The following AGPS variants were observed in gnomAD, a reference collection of about 807,000 sequenced individuals.
AGPS encodes the protein alkyldihydroxyacetonephosphate synthase, peroxisomal.
In AGPS, 26 loss-of-function variants were observed where a neutral mutation model predicts 90.7. The ratio of observed to expected loss-of-function variants is 0.29; its 90% CI spans 0.21 to 0.40. AGPS has a LOEUF of 0.40. Ranked by LOEUF, AGPS falls within the 10% of genes least tolerant of loss-of-function variation. The probability of loss-of-function intolerance (pLI) is 1.00; values close to 1 mark genes in which losing one functional copy is unlikely to be tolerated. For missense variants in AGPS, 540 were observed against 816.1 expected (o/e 0.66, Z 4.12); for synonymous variants, 294 against 285.3 (o/e 1.03, Z -0.31).
At position 177,541,058 on chromosome 2, in the gene AGPS, A is replaced by G. The variant is rs1325011110; in HGVS notation, c.*2863A>G. ...ATATTATTTCTTCTAAGGAAGTAGG[A>G]GTTTTCTTCCTAAAAGTGCTTACAT... On this transcript the variant is annotated 3_prime_UTR_variant, in exon 20 of 20. Transcript: ENST00000264167. The G allele has an allele frequency of 6.6e-6, 1 of 152,142 alleles. No individual in the cohort carries two copies. Among genetic ancestry groups the G allele is most frequent in the Non-Finnish European group, 1.5e-5 (1 of 68,010 alleles). 9.4% of individuals were successfully genotyped at this position (152,142 alleles called of 1,614,324 possible).
chr2:177,539,576 T>A lies in AGPS; in HGVS notation c.*1381T>A, dbSNP rs965215583. On this transcript the variant is annotated 3_prime_UTR_variant, in exon 20 of 20. Coordinates refer to ENST00000264167, the MANE Select transcript of AGPS (RefSeq NM_003659.4). ...AAATGCAGACGATCCTTTAAAAGGA[T>A]GCATTGTCTGTGTATGTAGCAACAG... The A allele has an allele frequency of 1.6e-4, 24 of 152,062 alleles. No individual in the cohort carries two copies. The highest frequency in any genetic ancestry group is 1.2e-3 in the Admixed American group (19 of 15,248). 9.4% of individuals were successfully genotyped at this position (152,062 alleles called of 1,614,324 possible). A position where few individuals can be genotyped will look rare whatever the true frequency, so the allele number is the denominator to read the frequency against.
At chr2:177,465,526 G>T (rs533661883) in intron 9 of AGPS, among the ~76,000 whole-genome samples, 1 of 152,164 alleles carries the variant, frequency 6.6e-6, no homozygotes, top group Non-Finnish European at 1.5e-5. Flanking sequence ...GCTTGCCAAC[G>T]GCGAGCCAGG....
rs1688392075 is a variant in AGPS, at chr2:177,495,725, T to G, written c.1286-1964T>G. Among the ~76,000 whole-genome samples, 4 of 145,956 alleles carry G rather than the reference T, an allele frequency of 2.7e-5. No homozygotes were observed. The South Asian group carries it at 8.8e-4, about 32-fold the overall frequency. ...GAGTTTGAGACTAGCCTGGCCAACA[T>G]GGTGAAACCCTGTCTCTACTAAAAA... On this transcript the variant is annotated intron_variant, in intron 12 of 19. Transcript: ENST00000264167.
At chr2:177,426,163 G>C (rs1051725027) in intron 2 of AGPS, among the ~76,000 whole-genome samples, 6 of 152,152 alleles carry the variant, frequency 3.9e-5, no homozygotes, top group Non-Finnish European at 8.8e-5. Flanking sequence ...AATTGTGAAT[G>C]GGAGTTCATT....
chr2:177,481,384 T>TG (rs1687938611), intron 10 of AGPS, among the ~76,000 whole-genome samples: 1 of 151,916 alleles, frequency 6.6e-6, no homozygotes, highest in South Asian at 2.1e-4. Flanking sequence ...CTTTTTGTTT[T>TG]GTTTTGTTTT....
Position 177,538,095 on chromosome 2 carries a change from G to A in AGPS, c.1877G>A (p.Trp626Ter). Residue 626 changes from tryptophan to a stop codon, truncating the protein, a stop_gained, in exon 20 of 20, where the codon TGG becomes TAG. Coordinates refer to ENST00000264167, the MANE Select transcript of AGPS (RefSeq NM_003659.4). LOFTEE classifies it high-confidence loss of function. ...HHGVGKLRKQ[W>*]LKESISDVGF... Reference sequence around the variant, plus strand: ...CCAGTGGGCAAGTTACGGAAGCAATGGCTAAAGGAAAGTATCTCTGATGTC... The same window carrying A: ...CCAGTGGGCAAGTTACGGAAGCAATAGCTAAAGGAAAGTATCTCTGATGTC... 6.2e-7 allele frequency: 1 copy of A among 1,613,152 alleles called. No homozygotes were observed. The highest frequency in any genetic ancestry group is 8.5e-7 in the Non-Finnish European group (1 of 1,179,324).
intron 9 of AGPS, among the ~76,000 whole-genome samples, chr2:177,467,009 G>A (rs1051446394): frequency 2.0e-5 from 3 of 151,886 alleles, no homozygotes; most frequent in African/African-American, 7.3e-5. Context: ...CAACTAGGAA[G>A]GGGGTGGGGC....
chr2:177,415,705 A>G (rs1685766122), intron 1 of AGPS, among the ~76,000 whole-genome samples: 2 of 152,202 alleles, frequency 1.3e-5, no homozygotes, highest in African/African-American at 2.4e-5. Context: ...AGAGTCCTCA[A>G]GTTGATTACA....
At chr2:177,478,750 A>G (rs924997072) in intron 10 of AGPS, among the ~76,000 whole-genome samples, 18 of 152,072 alleles carry the variant, frequency 1.2e-4, no homozygotes. Context: ...AGAATAATCC[A>G]GAATAATCCA....
intron 11 of AGPS, 28 bp from the exon 12 acceptor site, chr2:177,493,120 A>G: frequency 1.3e-6 from 2 of 1,588,960 alleles, no homozygotes; most frequent in Non-Finnish European, 8.6e-7. Context: ...TTAAATTTGT[A>G]TCACTTTTTT....
At chr2:177,399,938 C>T (rs1484713622) in intron 1 of AGPS, among the ~76,000 whole-genome samples, 3 of 152,126 alleles carry the variant, frequency 2.0e-5, no homozygotes, top group Non-Finnish European at 4.4e-5. Flanking sequence ...TTTTGTTTAT[C>T]CTCATCGATG....
At chr2:177,514,497 C>T (rs1485340744) in intron 17 of AGPS, among the ~76,000 whole-genome samples, 1 of 151,854 alleles carries the variant, frequency 6.6e-6, no homozygotes, top group East Asian at 1.9e-4. Context: ...TTGTATATTT[C>T]CCTTTCCTTT....
intron 8 of AGPS, among the ~76,000 whole-genome samples, chr2:177,456,191 C>T (rs1169687582): frequency 6.6e-6 from 1 of 152,090 alleles, no homozygotes; most frequent in Non-Finnish European, 1.5e-5. Context: ...TCTTGGGGAA[C>T]GTGGTGGGTG....
At chr2:177,523,402 A>C (rs963874541) in intron 18 of AGPS, among the ~76,000 whole-genome samples, 5 of 152,196 alleles carry the variant, frequency 3.3e-5, no homozygotes, top group Non-Finnish European at 7.4e-5. Flanking sequence ...TTGTTGGTAT[A>C]ATGAGAGATG....
chr2:177,536,527 T>C (rs1204019908), intron 19 of AGPS, among the ~76,000 whole-genome samples: 1 of 152,178 alleles, frequency 6.6e-6, no homozygotes, highest in African/African-American at 2.4e-5. Context: ...TCTAATCCAT[T>C]TGCAAGTGAA....
In AGPS at chr2:177,392,830, G is replaced by T. The variant is rs746673264; in HGVS notation, c.41G>T (p.Gly14Val). The T allele has an allele frequency of 1.9e-6, 3 of 1,546,736 alleles. No individual in the cohort carries two copies. The East Asian group carries it at 7.3e-5, about 38-fold the overall frequency. Residue 14 changes from glycine (G) to valine (V), a missense_variant, in exon 1 of 20, where the codon GGC becomes GTC. Physicochemically the swap from Gly to Val is moderately radical, Grantham distance 109. Around this residue, in one of 2 missense-constraint regions of AGPS, gnomAD observed 135 missense variants for 124.0 expected, o/e 1.09. Transcript: ENST00000264167. ...GCTGCAGCGGGTGGGACTGGCTTGG[G>T]CGCGGGCGCGAGCTACGGGTCTGCA... ...AAAAAGGTGL[G>V]AGASYGSAAD... is the part of the protein sequence containing the mutation.
chr2:177,491,976 A>G (rs1688277977), intron 11 of AGPS, among the ~76,000 whole-genome samples: 1 of 151,394 alleles, frequency 6.6e-6, no homozygotes, highest in African/African-American at 2.4e-5. Flanking sequence ...AGTAGAGACA[A>G]GCTTTTGCCA....
chr2:177,450,963 C>CATATATATATATATAT (rs1400248543), intron 8 of AGPS, among the ~76,000 whole-genome samples: 1 of 6,358 alleles, frequency 1.6e-4, no homozygotes, highest in African/African-American at 3.3e-4. Context: ...ACATGTCTTT[C>CATATATATATATATAT]ATATATATAT....
intron 13 of AGPS, among the ~76,000 whole-genome samples, chr2:177,498,573 T>A (rs10497505): frequency 0.13 from 19,805 of 151,080 alleles, 1,461 homozygotes; most frequent in African/African-American, 0.17. Flanking sequence ...CTTCCTCCAG[T>A]AATATGATCA....
Sources: allele counts gnomAD v4.1 joint callset (sites outside exome capture counted in the v4.1 genomes callset), GRCh38; gene constraint gnomAD v4.1.1; regional missense constraint gnomAD v4.1.1; transcripts MANE v1.5; gene names NCBI Gene and HGNC (gene_info 2026-07-23, HGNC 2026-07-21).